DNAH8: variants seen among roughly 807,000 people sequenced by gnomAD.
The protein encoded by DNAH8 is dynein axonemal heavy chain 8, also known as axonemal beta dynein heavy chain 8.
DNAH8 carries 382 observed loss-of-function variants against 562.1 expected under a neutral mutation model. The observed-to-expected ratio is 0.68, with a 90% CI of 0.63 to 0.74. The LOEUF (loss-of-function observed/expected upper bound fraction) is 0.74, where lower values mean the gene tolerates loss of function less well. Among genes scored for constraint, DNAH8 ranks in the 30% least tolerant of loss-of-function variants. The pLI, the probability that DNAH8 is intolerant of heterozygous loss-of-function variation, is 0.00. For synonymous variants in DNAH8, 1,881 were observed against 1,919.4 expected (o/e 0.98, Z 0.52); for missense variants, 5,203 against 5,620.4 (o/e 0.93, Z 2.37).
intron 24 of DNAH8, among the ~76,000 whole-genome samples, chr6:38,813,581 A>C (rs1032902410): frequency 6.6e-6 from 1 of 152,220 alleles, no homozygotes; most frequent in South Asian, 2.1e-4. Flanking sequence ...GCAGCTCTGC[A>C]TGTGTCCTTC....
At chr6:38,883,564 G>T in intron 55 of DNAH8, 108 bp downstream of exon 55, 1 of 1,236,714 alleles carries the variant, frequency 8.1e-7, no homozygotes, top group Non-Finnish European at 1.1e-6. Context: ...ATATTCAAAA[G>T]AAATCATGCT....
In DNAH8 at chr6:38,743,007, C is replaced by CTTTTTT. The variant is rs11340457; in HGVS notation, c.1293+1142_1293+1147dup. ...TTTCCAAAAAAATGTTGTTGTTGTGCTTTTTTTTTTTTTTTTTTTTTTTTT... is the reference window on the plus strand; with the variant it reads ...TTTCCAAAAAAATGTTGTTGTTGTGCTTTTTTTTTTTTTTTTTTTTTTTTTTTTTTT... On this transcript the variant is annotated intron_variant, in intron 8 of 92. Coordinates refer to ENST00000327475, the MANE Select transcript of DNAH8 (RefSeq NM_001206927.2). 2.7e-4 allele frequency among the ~76,000 whole-genome samples: 14 copies of CTTTTTT among 52,004 alleles called. 1 individual carries two copies. The highest frequency in any genetic ancestry group is 1.3e-3 in the African/African-American group (12 of 9,000). 34.1% of individuals were successfully genotyped at this position (52,004 alleles called of 152,430 possible).
intron 5 of DNAH8, among the ~76,000 whole-genome samples, chr6:38,735,917 C>T (rs140084553): frequency 1.1e-3 from 169 of 152,162 alleles, no homozygotes; most frequent in South Asian, 6.9e-3. Flanking sequence ...GCAGGCAGAT[C>T]GCCTGAGCTC....
intron 35 of DNAH8, among the ~76,000 whole-genome samples, chr6:38,844,437 C>G (rs1775114373): frequency 6.6e-6 from 1 of 152,196 alleles, no homozygotes; most frequent in South Asian, 2.1e-4. Context: ...TCTGCCTTCC[C>G]CTACCTCTTT....
At chr6:38,889,462 G>T (rs948834817) in intron 57 of DNAH8, among the ~76,000 whole-genome samples, 6 of 152,188 alleles carry the variant, frequency 3.9e-5, no homozygotes, top group African/African-American at 1.4e-4. Flanking sequence ...CTTCTAATGT[G>T]CTGGGCAAGG....
At position 38,755,888 on chromosome 6, in the gene DNAH8, C is replaced by A. The variant is rs1765857959; in HGVS notation, c.1408-84C>A. 3.7e-6 allele frequency: 3 copies of A among 819,838 alleles called. No individual in the cohort carries two copies. In the Admixed American group the frequency reaches 6.2e-5, roughly 17 times the overall value. The allele number at this position is 819,838 out of a possible 1,614,324, so 50.8% of individuals were successfully genotyped here. On this transcript the variant is annotated intron_variant, in intron 9 of 92. Transcript: ENST00000327475. ...AAAAATGCTATACTATTTTGTGTACCTTTAGAGTTTTGAGTATTATAGAAT... is the reference window on the plus strand; with the variant it reads ...AAAAATGCTATACTATTTTGTGTACATTTAGAGTTTTGAGTATTATAGAAT...
In DNAH8 at chr6:38,805,550, T is replaced by C; in HGVS notation, c.3104T>C (p.Ile1035Thr). The C allele has an allele frequency of 6.2e-7, 1 of 1,608,256 alleles. No homozygotes were observed. Residue 1035 changes from isoleucine (I) to threonine (T), a missense_variant, in exon 23 of 93, where the codon ATT (isoleucine) becomes ACT (threonine). Physicochemically the swap from Ile to Thr is moderately conservative, Grantham distance 89. Coordinates refer to ENST00000327475, the MANE Select transcript of DNAH8 (RefSeq NM_001206927.2). ...EGENNDYEAN[I>T]VNEFDTHDKE... ...GAAAACAATGACTATGAAGCTAATA[T>C]TGTGAATGAGTTTGATACTCATGAT... is the stretch of plus-strand genomic sequence containing the variant.
intron 24 of DNAH8, among the ~76,000 whole-genome samples, chr6:38,808,264 G>C (rs532768931): frequency 6.6e-6 from 1 of 152,260 alleles, no homozygotes; most frequent in East Asian, 1.9e-4. Context: ...AGTGGGTTTG[G>C]TGGGTCCTAA....
intron 30 of DNAH8, among the ~76,000 whole-genome samples, chr6:38,830,813 A>G (rs536167069): frequency 6.6e-6 from 1 of 152,312 alleles, no homozygotes; most frequent in African/African-American, 2.4e-5. Flanking sequence ...ACTGAAGCTG[A>G]GGTCACAGCT....
At chr6:39,008,612 T>C (rs1765956753) in intron 88 of DNAH8, among the ~76,000 whole-genome samples, 1 of 141,108 alleles carries the variant, frequency 7.1e-6, no homozygotes, top group Admixed American at 7.0e-5. Context: ...TCAGTGATGT[T>C]CTTGATGTCC....
chr6:39,026,440 T>G, intron 91 of DNAH8, 106 bp from the exon 92 acceptor site: 4 of 1,157,796 alleles, frequency 3.5e-6, no homozygotes, highest in Non-Finnish European at 4.9e-6. Flanking sequence ...TTGAGATGGA[T>G]GTGTAGTTTG....
At chr6:38,735,078 C>T (rs1346800997) in intron 5 of DNAH8, among the ~76,000 whole-genome samples, 1 of 152,198 alleles carries the variant, frequency 6.6e-6, no homozygotes, top group East Asian at 1.9e-4. Context: ...AGCTTCACCA[C>T]TGACTAATCA....
At chr6:39,017,316 G>A (rs1766630784) in intron 91 of DNAH8, among the ~76,000 whole-genome samples, 1 of 152,150 alleles carries the variant, frequency 6.6e-6, no homozygotes, top group Admixed American at 6.5e-5. Context: ...AGATTCTGGT[G>A]CATGAGCTTG....
chr6:38,974,166 C>T (rs1763525715), intron 84 of DNAH8, among the ~76,000 whole-genome samples: 1 of 152,112 alleles, frequency 6.6e-6, no homozygotes, highest in African/African-American at 2.4e-5. Context: ...CGAAATGCTC[C>T]AAAATCTGAA....
chr6:38,852,472 A>AG (rs142209358), intron 39 of DNAH8, among the ~76,000 whole-genome samples: 2,315 of 152,154 alleles, frequency 0.015, 95 homozygotes, highest in East Asian at 0.15. Context: ...ATAGCATGGG[A>AG]GGGGCCATTT....
intron 76 of DNAH8, among the ~76,000 whole-genome samples, chr6:38,935,239 T>G (rs62398577): frequency 0.032 from 4,844 of 152,282 alleles, 144 homozygotes; most frequent in East Asian, 0.15. Flanking sequence ...AAGATAGCAT[T>G]TCTTACAGAA....
At chr6:38,827,360 T>TA (rs1242514414) in intron 29 of DNAH8, among the ~76,000 whole-genome samples, 2 of 152,342 alleles carry the variant, frequency 1.3e-5, no homozygotes, top group East Asian at 3.9e-4. Context: ...GTTTGTCTAT[T>TA]ACTAATATTT....
intron 26 of DNAH8, among the ~76,000 whole-genome samples, chr6:38,820,699 T>A (rs1772743776): frequency 6.6e-6 from 1 of 152,124 alleles, no homozygotes; most frequent in Non-Finnish European, 1.5e-5. Context: ...GTTTATCCCA[T>A]AAAAGCAAGG....
At chr6:38,866,295 C>A (rs536393066) in intron 45 of DNAH8, among the ~76,000 whole-genome samples, 1 of 152,154 alleles carries the variant, frequency 6.6e-6, no homozygotes, top group African/African-American at 2.4e-5. Flanking sequence ...ATTTCACGTT[C>A]TTTTCTATTT....
Sources: gnomAD v4.1 joint callset for allele counts (sites outside exome capture counted in the v4.1 genomes callset) on GRCh38, gnomAD v4.1.1 for gene constraint, MANE v1.5 for transcripts, NCBI Gene and HGNC (gene_info 2026-07-23, HGNC 2026-07-21) for gene names.